The following DLG2 variants were observed in gnomAD, a reference collection of about 807,000 sequenced individuals.
DLG2 encodes disks large homolog 2.
Under a neutral mutation model 132.5 loss-of-function variants are expected in DLG2, and 45 were observed. The ratio of observed to expected loss-of-function variants is 0.34; its 90% CI spans 0.27 to 0.44. The LOEUF (loss-of-function observed/expected upper bound fraction) is 0.44, where lower values mean the gene tolerates loss of function less well. Among genes scored for constraint, DLG2 ranks in the 20% least tolerant of loss-of-function variants. DLG2 has a pLI of 1.00. For synonymous variants in DLG2, 424 were observed against 419.6 expected, an observed-to-expected ratio of 1.01 and a Z score of -0.13; for missense variants, 1,045 against 1,196.9, an observed-to-expected ratio of 0.87 and a Z score of 1.87.
chr11:85,242,035 A>G (rs1175148189), intron 4 of DLG2, among the ~76,000 whole-genome samples: 1 of 151,950 alleles, frequency 6.6e-6, no homozygotes, highest in African/African-American at 2.4e-5. Flanking sequence ...TATCATTTAT[A>G]TGTCTGTCAG....
At chr11:85,083,214 T>C (rs1253758155) in intron 6 of DLG2, among the ~76,000 whole-genome samples, 3 of 152,106 alleles carry the variant, frequency 2.0e-5, no homozygotes, top group Non-Finnish European at 4.4e-5. Context: ...AAAAGAAACC[T>C]TAGATCTCAA....
chr11:84,041,874 C>T (rs1163954112), intron 11 of DLG2, among the ~76,000 whole-genome samples: 1 of 151,736 alleles, frequency 6.6e-6, no homozygotes, highest in Non-Finnish European at 1.5e-5. Flanking sequence ...TGGGTCTTTC[C>T]TGTGATGTTC....
At chr11:85,243,228 G>A (rs1348302006) in intron 4 of DLG2, among the ~76,000 whole-genome samples, 1 of 151,810 alleles carries the variant, frequency 6.6e-6, no homozygotes, top group African/African-American at 2.4e-5. Flanking sequence ...TGAGAGAGGA[G>A]ACTAGAAGCT....
intron 3 of DLG2, among the ~76,000 whole-genome samples, chr11:85,335,861 G>A (rs1000165801): frequency 6.6e-6 from 1 of 152,038 alleles, no homozygotes. Flanking sequence ...GAGTTAATGG[G>A]TGCAGCAAAC....
intron 6 of DLG2, among the ~76,000 whole-genome samples, chr11:84,886,996 T>C (rs1249236550): frequency 6.6e-6 from 1 of 152,120 alleles, no homozygotes; most frequent in Admixed American, 6.6e-5. Flanking sequence ...ATCACAAGAA[T>C]GCTACTAAAC....
At chr11:85,042,906 C>T (rs2061996773) in intron 6 of DLG2, among the ~76,000 whole-genome samples, 1 of 151,834 alleles carries the variant, frequency 6.6e-6, no homozygotes, top group Admixed American at 6.6e-5. Flanking sequence ...CAGAGTCTCA[C>T]TGCAAAATTA....
intron 6 of DLG2, among the ~76,000 whole-genome samples, chr11:84,575,502 C>G (rs2099497380): frequency 6.6e-6 from 1 of 152,094 alleles, no homozygotes; most frequent in South Asian, 2.1e-4. Context: ...TGATTCTGTA[C>G]AAAGTTCCCT....
intron 11 of DLG2, among the ~76,000 whole-genome samples, chr11:84,018,847 CT>C: frequency 6.7e-6 from 1 of 149,600 alleles, no homozygotes; most frequent in Non-Finnish European, 1.5e-5. Flanking sequence ...ACAAATTAAG[CT>C]AAAAAAAAAA....
At chr11:84,456,319 C>T (rs2099065180) in intron 7 of DLG2, among the ~76,000 whole-genome samples, 2 of 151,258 alleles carry the variant, frequency 1.3e-5, no homozygotes, top group African/African-American at 4.8e-5. Context: ...CTAGTTTTCA[C>T]CCTAAATAGA....
intron 6 of DLG2, among the ~76,000 whole-genome samples, chr11:84,575,296 T>A (rs1053895867): frequency 6.6e-6 from 1 of 152,096 alleles, no homozygotes; most frequent in Non-Finnish European, 1.5e-5. Context: ...ATTAAATTAC[T>A]TATAGTTCCT....
At chr11:84,890,247 C>T (rs1489178769) in intron 6 of DLG2, among the ~76,000 whole-genome samples, 1 of 152,118 alleles carries the variant, frequency 6.6e-6, no homozygotes, top group Non-Finnish European at 1.5e-5. Context: ...GGCTAAGAGA[C>T]TGTGGACACT....
intron 6 of DLG2, among the ~76,000 whole-genome samples, chr11:84,570,183 A>G (rs1187324294): frequency 6.6e-6 from 1 of 152,160 alleles, no homozygotes; most frequent in Non-Finnish European, 1.5e-5. Flanking sequence ...GTCTCTAAAT[A>G]TATTCAGTTA....
intron 4 of DLG2, among the ~76,000 whole-genome samples, chr11:85,202,743 A>G (rs1432081633): frequency 6.6e-6 from 1 of 152,108 alleles, no homozygotes; most frequent in Non-Finnish European, 1.5e-5. Flanking sequence ...AAAAAGAAGA[A>G]ATTTAGAAAC....
chr11:84,741,056 CTTTTTT>C lies in DLG2; in HGVS notation c.358-206331_358-206326del, dbSNP rs1163275954. Among the ~76,000 whole-genome samples the C allele has an allele frequency of 1.1e-3, 91 of 79,326 alleles. No individual in the cohort carries two copies. In the East Asian group the frequency reaches 0.023, roughly 20 times the overall value. The allele number at this position is 79,326 out of a possible 152,430, so 52.0% of individuals were successfully genotyped here. A position where few individuals can be genotyped will look rare whatever the true frequency, so the allele number is the denominator to read the frequency against. On this transcript the variant is annotated intron_variant, in intron 6 of 27. Coordinates refer to ENST00000376104, the MANE Select transcript of DLG2 (RefSeq NM_001142699.3). ...GACCAAACAACTGTGTGCCTATGCT[CTTTTTT>C]TTTTTTTTTTTTTTTTTTTTTTGAG...
intron 5 of DLG2, among the ~76,000 whole-genome samples, chr11:85,122,957 A>ATATTATATATATATTATATATAT (rs796425259): frequency 2.3e-5 from 1 of 44,216 alleles, no homozygotes; most frequent in African/African-American, 1.1e-4. Context: ...TATTATATAT[A>ATATTATATATATATTATATATAT]TATATATATA....
intron 3 of DLG2, among the ~76,000 whole-genome samples, chr11:85,477,189 T>C (rs1223823992): frequency 6.6e-6 from 1 of 152,192 alleles, no homozygotes; most frequent in African/African-American, 2.4e-5. Context: ...CATAATAAAA[T>C]GTTGAACATC....
chr11:83,914,531 T>C (rs1013759499), intron 15 of DLG2, among the ~76,000 whole-genome samples: 2 of 152,220 alleles, frequency 1.3e-5, no homozygotes, highest in African/African-American at 4.8e-5. Context: ...TCCACAGAAG[T>C]ACTTAGCTTA....
intron 14 of DLG2, among the ~76,000 whole-genome samples, chr11:83,932,589 A>G (rs1279406072): frequency 6.6e-6 from 1 of 152,196 alleles, no homozygotes; most frequent in Non-Finnish European, 1.5e-5. Context: ...ATCATATAGT[A>G]TGTATATTAT....
At chr11:84,864,967 G>T (rs2084322588) in intron 6 of DLG2, among the ~76,000 whole-genome samples, 1 of 152,108 alleles carries the variant, frequency 6.6e-6, no homozygotes, top group African/African-American at 2.4e-5. Context: ...TTGGTACACA[G>T]GAGTAATATA....
Sources: allele counts gnomAD v4.1 joint callset (sites outside exome capture counted in the v4.1 genomes callset), GRCh38; gene constraint gnomAD v4.1.1; transcripts MANE v1.5; gene names NCBI Gene and HGNC (gene_info 2026-07-23, HGNC 2026-07-21).